The following RNF19B variants were observed in gnomAD, a reference collection of about 807,000 sequenced individuals.
RNF19B encodes the protein ring finger protein 19B.
In RNF19B, 23 loss-of-function variants were observed where a neutral mutation model predicts 65.5. That is an observed-to-expected ratio of 0.35 (90% CI 0.25 to 0.50). The LOEUF is 0.50. Among genes scored for constraint, RNF19B ranks in the 20% least tolerant of loss-of-function variants. RNF19B has a pLI of 0.98. For synonymous variants in RNF19B, 372 were observed against 379.6 expected, an observed-to-expected ratio of 0.98 and a Z score of 0.23; for missense variants, 794 against 980.0, an observed-to-expected ratio of 0.81 and a Z score of 2.53.
At chr1:32,963,424 T>A (rs576772818) in intron 1 of RNF19B, among the ~76,000 whole-genome samples, 5 of 152,112 alleles carry the variant, frequency 3.3e-5, no homozygotes, top group African/African-American at 1.2e-4. Flanking sequence ...TAAGAGATAC[T>A]CCCCACCTTG....
chr1:32,958,021 G>A (rs1165500237), intron 1 of RNF19B, among the ~76,000 whole-genome samples: 2 of 152,292 alleles, frequency 1.3e-5, no homozygotes, highest in South Asian at 2.1e-4. Flanking sequence ...TGTAGAAATG[G>A]TTGGAATATA....
intron 3 of RNF19B, 37 bp downstream of exon 3, chr1:32,948,185 G>T: frequency 2.5e-6 from 4 of 1,602,938 alleles, no homozygotes; most frequent in Non-Finnish European, 3.4e-6. Context: ...GTAAGAGAAT[G>T]AGACTACGAA....
Position 32,964,085 on chromosome 1 carries a change from G to T in RNF19B, c.601C>A (p.Pro201Thr). The T allele has an allele frequency of 6.6e-7, 1 of 1,524,162 alleles. No homozygotes were observed. The highest frequency in any genetic ancestry group is 8.8e-7 in the Non-Finnish European group (1 of 1,136,246). 94.4% of individuals were successfully genotyped at this position (1,524,162 alleles called of 1,614,324 possible). ...GGGGCCGGGCACCAGCGGCAGTCGGGGTCCGAGGCTAGGTAGCGGCGCAGC... is the reference window on the plus strand; with the variant it reads ...GGGGCCGGGCACCAGCGGCAGTCGGTGTCCGAGGCTAGGTAGCGGCGCAGC... ...FMLRRYLASDPDCRWCPAPDC... is the reference protein window; with the variant it reads ...FMLRRYLASDTDCRWCPAPDC... The change falls in exon 1 of 9, where the codon CCC becomes ACC. Residue 201 changes from proline to threonine, a missense_variant. Transcript: ENST00000235150. This position sits in a 1 kb window ranked among gnomAD's most constrained non-coding sequence, Gnocchi z 6.5.
chr1:32,961,066 G>C (rs903691763), intron 1 of RNF19B, among the ~76,000 whole-genome samples: 2 of 152,102 alleles, frequency 1.3e-5, no homozygotes, highest in Non-Finnish European at 2.9e-5. Flanking sequence ...GAGAACTCAG[G>C]CATCTATTTG....
chr1:32,957,503 A>T (rs1642666462), intron 1 of RNF19B, among the ~76,000 whole-genome samples: 1 of 152,196 alleles, frequency 6.6e-6, no homozygotes, highest in African/African-American at 2.4e-5. Flanking sequence ...TGAAATACCC[A>T]GTACTCACCC....
intron 1 of RNF19B, among the ~76,000 whole-genome samples, chr1:32,953,823 G>A (rs1439093308): frequency 6.6e-6 from 1 of 151,276 alleles, no homozygotes; most frequent in Non-Finnish European, 1.5e-5. Context: ...CCAGTAGGGA[G>A]CCTTGAACAC....
chr1:32,934,929 T>C (rs1413509830), downstream of RNF19B, among the ~76,000 whole-genome samples: 1 of 151,662 alleles, frequency 6.6e-6, no homozygotes, highest in Non-Finnish European at 1.5e-5. Flanking sequence ...GCCTCCCGAG[T>C]TCAAGTGATT....
intron 1 of RNF19B, among the ~76,000 whole-genome samples, chr1:32,952,755 A>AT (rs1031432004): frequency 4.6e-5 from 7 of 151,146 alleles, no homozygotes; most frequent in Non-Finnish European, 1.0e-4. Context: ...TCTCAAAAAA[A>AT]AAAAAAAATC....
At chr1:32,946,668 A>G in intron 3 of RNF19B, 104 bp from the exon 4 acceptor site, 1 of 1,010,730 alleles carries the variant, frequency 9.9e-7, no homozygotes, top group Non-Finnish European at 1.4e-6. Flanking sequence ...AAGGATTAAC[A>G]GAAGAGTTTA....
chr1:32,958,872 A>G (rs1234594932), intron 1 of RNF19B, among the ~76,000 whole-genome samples: 1 of 152,190 alleles, frequency 6.6e-6, no homozygotes, highest in Admixed American at 6.5e-5. Flanking sequence ...GTTCTCCTTT[A>G]GTACAAGTAC....
chr1:32,943,974 T>C, intron 6 of RNF19B, 45 bp downstream of exon 6: 1 of 1,565,872 alleles, frequency 6.4e-7, no homozygotes, highest in Non-Finnish European at 8.7e-7. Flanking sequence ...GATTTTTATC[T>C]TGTATATCAT....
In RNF19B at chr1:32,964,037, G is replaced by T; in HGVS notation, c.635+14C>A. The T allele has an allele frequency of 7.0e-7, 1 of 1,427,286 alleles. No individual in the cohort carries two copies. Among genetic ancestry groups the T allele is most frequent in the South Asian group, 1.5e-5 (1 of 65,520 alleles). 88.4% of individuals were successfully genotyped at this position (1,427,286 alleles called of 1,614,324 possible). On this transcript the variant is annotated intron_variant, in intron 1 of 8. Transcript: ENST00000235150. This position sits in a 1 kb window ranked among gnomAD's most constrained non-coding sequence, Gnocchi z 6.5. ...TGCAGCCCGCCGCCACCCGCGCCACGCCCCCGCGCTCACCCGCAGTCCGGG... is the reference window on the plus strand; with the variant it reads ...TGCAGCCCGCCGCCACCCGCGCCACTCCCCCGCGCTCACCCGCAGTCCGGG...
At chr1:32,938,157 A>G (rs573852974) in intron 8 of RNF19B, among the ~76,000 whole-genome samples, 58 of 151,238 alleles carry the variant, frequency 3.8e-4, no homozygotes, top group South Asian at 2.1e-3. Context: ...AAAAAAAAAA[A>G]AAAGAAAAAA....
chr1:32,946,530 A>G lies in RNF19B; in HGVS notation c.1018T>C (p.Trp340Arg), dbSNP rs1329285660. The G allele has an allele frequency of 6.2e-7, 1 of 1,614,014 alleles. No homozygotes were observed. The highest frequency in any genetic ancestry group is 8.5e-7 in the Non-Finnish European group (1 of 1,180,008). Residue 340 changes from tryptophan to arginine, a missense_variant, in exon 4 of 9, where the codon TGG becomes CGG. By Grantham distance (101) the Trp-to-Arg change is moderately radical. Around this residue, in one of 3 missense-constraint regions of RNF19B, gnomAD observed 52 missense variants for 108.8 expected, o/e 0.48. Transcript: ENST00000235150. ...SGCTFWGKKP[W>R]SRKKKILWQL... ...CAAAGAATTTTCTTCTTACGGCTCC[A>G]TGGCTTCTTGCCCCAGAATGTACAG...
At chr1:32,960,597 C>T (rs1164809241) in intron 1 of RNF19B, among the ~76,000 whole-genome samples, 1 of 152,182 alleles carries the variant, frequency 6.6e-6, no homozygotes, top group African/African-American at 2.4e-5. Flanking sequence ...GATCATGCCA[C>T]TGCACTCCAG....
chr1:32,964,099 T>C lies in RNF19B; in HGVS notation c.587A>G (p.Tyr196Cys), dbSNP rs1379416426. The C allele has an allele frequency of 5.2e-6, 8 of 1,530,004 alleles. No individual in the cohort carries two copies. In the Admixed American group the frequency reaches 6.1e-5, roughly 12 times the overall value. The allele number at this position is 1,530,004 out of a possible 1,614,324, so 94.8% of individuals were successfully genotyped here. A position where few individuals can be genotyped will look rare whatever the true frequency, so the allele number is the denominator to read the frequency against. Residue 196 changes from tyrosine (Y) to cysteine (C), a missense_variant, in exon 1 of 9, where the codon TAC becomes TGC. By Grantham distance (194) the Tyr-to-Cys change is radical (BLOSUM62 -2). This residue lies in a region of RNF19B where 374 missense variants were observed against 423.8 expected (regional missense o/e 0.88). Transcript: ENST00000235150. This position sits in a 1 kb window ranked among gnomAD's most constrained non-coding sequence, Gnocchi z 6.5. Reference protein sequence around the residue: ...HKYEEFMLRRYLASDPDCRWC... With the variant: ...HKYEEFMLRRCLASDPDCRWC... ...GCGGCAGTCGGGGTCCGAGGCTAGG[T>C]AGCGGCGCAGCATGAACTCCTCGTA... is the stretch of plus-strand genomic sequence containing the variant.
chr1:32,958,372 A>T (rs981591848), intron 1 of RNF19B, among the ~76,000 whole-genome samples: 1 of 152,238 alleles, frequency 6.6e-6, no homozygotes, highest in African/African-American at 2.4e-5. Flanking sequence ...TGCCTATAAC[A>T]TACCTTAGGA....
chr1:32,940,616 G>C (rs1217059387), intron 7 of RNF19B, among the ~76,000 whole-genome samples: 1 of 152,068 alleles, frequency 6.6e-6, no homozygotes, highest in Non-Finnish European at 1.5e-5. Flanking sequence ...TTGGTATGAG[G>C]CATAGAAGTC....
Position 32,964,808 on chromosome 1 carries a change from A to ATAGAAGCC in RNF19B, c.-124_-123insGGCTTCTA. ...CACCGCCTCAACCGCCCTCCCGGCGATAGAAGCCGAGCGGCAACGACGAAG... is the reference window on the plus strand; with the variant it reads ...CACCGCCTCAACCGCCCTCCCGGCGATAGAAGCCTAGAAGCCGAGCGGCAACGACGAAG... On this transcript the variant is annotated 5_prime_UTR_variant, in exon 1 of 9. Transcript: ENST00000235150. The surrounding 1 kb of genome is among the most constrained non-coding windows in gnomAD (Gnocchi z 6.5). 1 of 975,890 alleles carries ATAGAAGCC rather than the reference A, an allele frequency of 1.0e-6. No homozygotes were observed. Among genetic ancestry groups the ATAGAAGCC allele is most frequent in the Non-Finnish European group, 1.4e-6 (1 of 738,538 alleles). The allele number at this position is 975,890 out of a possible 1,614,324, so 60.5% of individuals were successfully genotyped here. A position where few individuals can be genotyped will look rare whatever the true frequency, so the allele number is the denominator to read the frequency against.
Sources: gnomAD v4.1 joint callset for allele counts (sites outside exome capture counted in the v4.1 genomes callset) on GRCh38, gnomAD v4.1.1 for gene constraint, gnomAD v4.1.1 regional missense constraint, Gnocchi (gnomAD v3.1) non-coding constraint, MANE v1.5 for transcripts, NCBI Gene and HGNC (gene_info 2026-07-23, HGNC 2026-07-21) for gene names.